The following MICAL1 variants were observed in gnomAD, a reference collection of about 807,000 sequenced individuals.
MICAL1 encodes the protein [F-actin]-monooxygenase MICAL1.
In MICAL1, 95 loss-of-function variants were observed where a neutral mutation model predicts 131.8. The observed-to-expected ratio is 0.72, with a 90% CI of 0.61 to 0.86. The LOEUF is 0.86. Among genes scored for constraint, MICAL1 ranks in the 40% least tolerant of loss-of-function variants. MICAL1 has a pLI of 0.00. For synonymous variants in MICAL1, 546 were observed against 554.2 expected (o/e 0.99, Z 0.21); for missense variants, 1,292 against 1,380.6 (o/e 0.94, Z 1.02).
chr6:109,451,936 C>T, intron 6 of MICAL1: 2 of 1,390,698 alleles, frequency 1.4e-6, no homozygotes, highest in South Asian at 1.6e-5. Flanking sequence ...TTTGGGAGAC[C>T]TGCACCACCT....
chr6:109,451,725 T>C (rs1420519638), intron 6 of MICAL1, 25 bp from the exon 7 acceptor site: 13 of 1,612,260 alleles, frequency 8.1e-6, no homozygotes, highest in African/African-American at 5.3e-5. Context: ...CAGGGGACAG[T>C]AGATATGTCT....
intron 7 of MICAL1, among the ~76,000 whole-genome samples, chr6:109,451,214 C>T (rs1775527408): frequency 1.3e-5 from 2 of 149,622 alleles, no homozygotes; most frequent in African/African-American, 4.9e-5. Context: ...AGTGCAGTGG[C>T]ACAATCTTGG....
At chr6:109,457,331 CA>C (rs1209096351), upstream of MICAL1, among the ~76,000 whole-genome samples, 1 of 152,048 alleles carries the variant, frequency 6.6e-6, no homozygotes, top group East Asian at 1.9e-4. Context: ...CAGACACACC[CA>C]TATTTAAATA....
Position 109,450,561 on chromosome 6 carries a change from T to A in MICAL1, c.934-4A>T, listed in dbSNP as rs761040820. On this transcript the variant is annotated splice_region_variant and splice_polypyrimidine_tract_variant and intron_variant, in intron 7 of 24. Transcript: ENST00000358807. Reference sequence around the variant, plus strand: ...GCCGATTGGTGTCTGGCCAGTCCTGTATGGTCAACAGAGCAGAACCTCAGA... The same window carrying A: ...GCCGATTGGTGTCTGGCCAGTCCTGAATGGTCAACAGAGCAGAACCTCAGA... 15 of 1,598,738 alleles carry A rather than the reference T, an allele frequency of 9.4e-6. No individual in the cohort carries two copies. Among genetic ancestry groups the A allele is most frequent in the Non-Finnish European group, 8.6e-6 (10 of 1,168,588 alleles).
chr6:109,451,539 G>A, intron 7 of MICAL1, 61 bp downstream of exon 7: 15 of 1,600,126 alleles, frequency 9.4e-6, no homozygotes, highest in Non-Finnish European at 1.3e-5. Flanking sequence ...CTATGTCCAA[G>A]CCTAGCCTCT....
intron 10 of MICAL1, 49 bp from the exon 11 acceptor site, chr6:109,449,530 T>G (rs1447737299): frequency 1.2e-6 from 2 of 1,611,514 alleles, no homozygotes; most frequent in African/African-American, 2.7e-5. Flanking sequence ...ACACAGCCCC[T>G]GAGTCCAGGG....
At chr6:109,458,595 C>CA (rs1481230427), upstream of MICAL1, among the ~76,000 whole-genome samples, 2 of 150,916 alleles carry the variant, frequency 1.3e-5, no homozygotes, top group Non-Finnish European at 3.0e-5. Flanking sequence ...AAACTCCGTC[C>CA]AAAAAAAGAA....
rs372146546 is a variant in MICAL1, at chr6:109,444,168, G to A, written c.*23C>T. 85 of 1,605,404 alleles carry A rather than the reference G, an allele frequency of 5.3e-5. No individual in the cohort carries two copies. The highest frequency in any genetic ancestry group is 2.1e-4 in the Middle Eastern group (1 of 4,862). ...GGTGAGGTGCTTTCTTTGTGGGAAC[G>A]AAAGCAGACGGCCCACCCTCGTCTA... On this transcript the variant is annotated 3_prime_UTR_variant, in exon 25 of 25. Transcript: ENST00000358807.
intron 21 of MICAL1, 34 bp downstream of exon 21, chr6:109,445,382 C>T (rs753888841): frequency 1.9e-6 from 3 of 1,613,338 alleles, no homozygotes; most frequent in Non-Finnish European, 2.5e-6. Context: ...AGAACTTTGA[C>T]CCCATCAGAA....
chr6:109,446,434 G>A (rs368618579), intron 18 of MICAL1, 22 bp from the exon 19 acceptor site: 4 of 743,856 alleles, frequency 5.4e-6, no homozygotes, highest in African/African-American at 1.2e-4. Context: ...ACCATGTGGA[G>A]TGAGGTCGGG....
At chr6:109,455,829 G>A (rs1020259538), upstream of MICAL1, 945 of 985,550 alleles carry the variant, frequency 9.6e-4, no homozygotes, top group Non-Finnish European at 1.1e-3. The surrounding 1 kb of genome is among the most constrained non-coding windows in gnomAD (Gnocchi z 4.7). Flanking sequence ...ATCGGGCGGG[G>A]ATGCTGGGAT....
At chr6:109,465,748 T>A in exon 1 of MICAL1, 1 of 1,612,280 alleles carries the variant, frequency 6.2e-7, no homozygotes, top group Non-Finnish European at 8.5e-7. Flanking sequence ...CACAGAAGCA[T>A]CTGCAAGTCA....
At position 109,447,054 on chromosome 6, in the gene MICAL1, G is replaced by A. The variant is rs370353614; in HGVS notation, c.2227+19C>T. 3.2e-5 allele frequency: 52 copies of A among 1,612,048 alleles called. No homozygotes were observed. The highest frequency in any genetic ancestry group is 3.6e-5 in the Non-Finnish European group (43 of 1,179,160). On this transcript the variant is annotated intron_variant, in intron 17 of 24. Coordinates refer to ENST00000358807, the MANE Select transcript of MICAL1 (RefSeq NM_022765.4). Reference sequence around the variant, plus strand: ...GGCCAGGCCCAGAGTCTCTCTGGAGGTCTCCCAGGCCCACTCACCATCTCC... The same window carrying A: ...GGCCAGGCCCAGAGTCTCTCTGGAGATCTCCCAGGCCCACTCACCATCTCC...
At chr6:109,464,497 C>T (rs1007677258) in intron 1 of MICAL1, 4 of 152,316 alleles carry the variant, frequency 2.6e-5, no homozygotes, top group Admixed American at 2.6e-4. Flanking sequence ...AAATCCCCTA[C>T]CAGCTTACAT....
rs908700169 is a variant in MICAL1 at position 109,445,006 on chromosome 6, G to T, written c.2882-11C>A. ...GCTGTTCTGGGGAACCTGAGAAGAA[G>T]GAAGATGGGTAGGGTGATCAGGAGG... is the stretch of plus-strand genomic sequence containing the variant. On this transcript the variant is annotated splice_polypyrimidine_tract_variant and intron_variant, in intron 22 of 24. Coordinates refer to ENST00000358807, the MANE Select transcript of MICAL1 (RefSeq NM_022765.4). 2.5e-6 allele frequency: 4 copies of T among 1,612,964 alleles called. No homozygotes were observed. Among genetic ancestry groups the T allele is most frequent in the Non-Finnish European group, 3.4e-6 (4 of 1,179,866 alleles).
upstream of MICAL1, among the ~76,000 whole-genome samples, chr6:109,460,305 A>C (rs1034816633): frequency 2.0e-5 from 3 of 151,548 alleles, no homozygotes; most frequent in Non-Finnish European, 2.9e-5. Flanking sequence ...AAAATCTAAA[A>C]ATTAGCTGAG....
chr6:109,448,866 G>A lies in MICAL1; in HGVS notation c.1530C>T (p.Thr510=). Residue 510 remains threonine (T), a synonymous_variant, in exon 12 of 25, where the codon ACC becomes ACT. Transcript: ENST00000358807. Reference sequence around the variant, plus strand: ...GGCACCAGCGTAGCAGCTCCTCCTGGGTGCCTGCCGACCCTGGGAAAGAAG... The same window carrying A: ...GGCACCAGCGTAGCAGCTCCTCCTGAGTGCCTGCCGACCCTGGGAAAGAAG... ...TGMPATGSAG[T]QEELLRWCQE... The A allele has an allele frequency of 6.2e-7, 1 of 1,613,564 alleles. No individual in the cohort carries two copies.
rs773398746 is a variant in MICAL1, at chr6:109,448,228, G to A, written c.1830C>T (p.Ala610=). ...LIAYLSHFHS[A]FKSMAHSPGP... is the part of the protein sequence containing the mutation. ...CTGGGCTGTGGGCCATGCTCTTGAAGGCACTGTGGAAGTGGCTGAGGTAGG... is the reference window on the plus strand; with the variant it reads ...CTGGGCTGTGGGCCATGCTCTTGAAAGCACTGTGGAAGTGGCTGAGGTAGG... The change falls in exon 13 of 25, where the codon GCC becomes GCT. Residue 610 remains alanine (A), a synonymous_variant. Coordinates refer to ENST00000358807, the MANE Select transcript of MICAL1 (RefSeq NM_022765.4). 1 of 1,613,060 alleles carries A rather than the reference G, an allele frequency of 6.2e-7. No individual in the cohort carries two copies. The highest frequency in any genetic ancestry group is 1.1e-5 in the South Asian group (1 of 91,066).
intron 1 of MICAL1, chr6:109,464,315 G>T (rs1775980807): frequency 6.6e-6 from 1 of 152,110 alleles, no homozygotes; most frequent in African/African-American, 2.4e-5. Context: ...CAAACCTGAA[G>T]AATTCTCTAT....
Sources: allele counts gnomAD v4.1 joint callset (sites outside exome capture counted in the v4.1 genomes callset), GRCh38; gene constraint gnomAD v4.1.1; non-coding constraint Gnocchi (gnomAD v3.1); transcripts MANE v1.5; gene names NCBI Gene and HGNC (gene_info 2026-07-23, HGNC 2026-07-21).